Variants in STAT1 observed in about 807,000 individuals in gnomAD.
STAT1 encodes signal transducer and activator of transcription 1.
Under a neutral mutation model 111.7 loss-of-function variants are expected in STAT1, and 24 were observed. That is an observed-to-expected ratio of 0.21 (90% CI 0.16 to 0.30). STAT1 has a LOEUF of 0.30. Among genes scored for constraint, STAT1 ranks in the 10% least tolerant of loss-of-function variants. The probability of loss-of-function intolerance (pLI) is 1.00; values close to 1 mark genes in which losing one functional copy is unlikely to be tolerated. For synonymous variants in STAT1, 332 were observed against 326.5 expected (o/e 1.02, Z -0.18); for missense variants, 351 against 911.9 (o/e 0.38, Z 7.92).
rs1186172276 is a variant in STAT1 at position 190,996,902 on chromosome 2, A to G, written c.785+954T>C. Among the ~76,000 whole-genome samples, 1 of 152,118 alleles carries G rather than the reference A, an allele frequency of 6.6e-6. No individual in the cohort carries two copies. On this transcript the variant is annotated intron_variant, in intron 9 of 24. Coordinates refer to ENST00000361099, the MANE Select transcript of STAT1 (RefSeq NM_007315.4). The surrounding 1 kb of genome is among the most constrained non-coding windows in gnomAD (Gnocchi z 4.5). ...TATTCCAACTGGTCTTTCTGTCTCT[A>G]TCCTATCCTCCAGGCTGTGGCCAGA...
In STAT1 at chr2:190,981,073, C is replaced by A. The variant is rs1032899890; in HGVS notation, c.1583-404G>T. Among the ~76,000 whole-genome samples the A allele has an allele frequency of 1.3e-5, 2 of 152,022 alleles. No homozygotes were observed. Among genetic ancestry groups the A allele is most frequent in the Non-Finnish European group, 1.5e-5 (1 of 68,000 alleles). On this transcript the variant is annotated intron_variant, in intron 18 of 24. Coordinates refer to ENST00000361099, the MANE Select transcript of STAT1 (RefSeq NM_007315.4). This position sits in a 1 kb window ranked among gnomAD's most constrained non-coding sequence, Gnocchi z 4.1. ...GTCCTTTTAATGCCTCTTCATGTTA[C>A]ACTTCCTTCCAAGACCATCAGCTGA...
At chr2:191,005,846 A>C (rs1290182754) in intron 5 of STAT1, among the ~76,000 whole-genome samples, 1 of 152,238 alleles carries the variant, frequency 6.6e-6, no homozygotes, top group Non-Finnish European at 1.5e-5. Context: ...TGACATCCCC[A>C]GACACCCAGA....
In STAT1 at chr2:190,973,794, T is replaced by C. The variant is rs1387492463; in HGVS notation, c.2238+1036A>G. 1.3e-5 allele frequency among the ~76,000 whole-genome samples: 2 copies of C among 152,166 alleles called. No individual in the cohort carries two copies. The highest frequency in any genetic ancestry group is 2.1e-4 in the South Asian group (1 of 4,828). Reference sequence around the variant, plus strand: ...CAACAATCAGGAAAGTGTAGGAAGGTACAATCTCTAATGATTGTAGCCCGT... The same window carrying C: ...CAACAATCAGGAAAGTGTAGGAAGGCACAATCTCTAATGATTGTAGCCCGT... On this transcript the variant is annotated intron_variant, in intron 24 of 24. Coordinates refer to ENST00000361099, the MANE Select transcript of STAT1 (RefSeq NM_007315.4). The surrounding 1 kb of genome is among the most constrained non-coding windows in gnomAD (Gnocchi z 4.4).
chr2:191,010,036 T>A (rs1166729359), intron 2 of STAT1, 32 bp from the exon 3 acceptor site: 13 of 1,612,602 alleles, frequency 8.1e-6, no homozygotes, highest in Non-Finnish European at 8.5e-6. Context: ...ATTCTTTCTA[T>A]GTATATGGAA....
In STAT1 at chr2:190,998,177, T is replaced by C. The variant is rs768259949; in HGVS notation, c.633+40A>G. ...CTTTGAGTCCATTATTTACAGTGTA[T>C]AACAAAAGTGGCATGCTATTCTGGA... On this transcript the variant is annotated intron_variant, in intron 8 of 24. Coordinates refer to ENST00000361099, the MANE Select transcript of STAT1 (RefSeq NM_007315.4). This position sits in a 1 kb window ranked among gnomAD's most constrained non-coding sequence, Gnocchi z 4.1. 1.3e-6 allele frequency: 2 copies of C among 1,589,308 alleles called. No individual in the cohort carries two copies. The highest frequency in any genetic ancestry group is 1.7e-6 in the Non-Finnish European group (2 of 1,157,816).
chr2:190,983,765 A>C lies in STAT1; in HGVS notation c.1348-25T>G. ...TCTAAAGGATGACAAAGACCTTGAA[A>C]TCATCTGAATCACAGAAATGTCACC... On this transcript the variant is annotated intron_variant, in intron 16 of 24. Coordinates refer to ENST00000361099, the MANE Select transcript of STAT1 (RefSeq NM_007315.4). The surrounding 1 kb of genome is among the most constrained non-coding windows in gnomAD (Gnocchi z 5.7). 3 of 1,588,370 alleles carry C rather than the reference A, an allele frequency of 1.9e-6. No individual in the cohort carries two copies. Among genetic ancestry groups the C allele is most frequent in the Non-Finnish European group, 2.6e-6 (3 of 1,156,624 alleles).
rs908860219 is a variant in STAT1, at chr2:190,981,452, G to A, written c.1583-783C>T. On this transcript the variant is annotated intron_variant, in intron 18 of 24. Transcript: ENST00000361099. The surrounding 1 kb of genome is among the most constrained non-coding windows in gnomAD (Gnocchi z 4.1). ...CTACACAAATTAAAGCAGCCTGGGC[G>A]AGAAGAGGCGGTAAGCCCATTATCG... 2.6e-5 allele frequency among the ~76,000 whole-genome samples: 4 copies of A among 152,224 alleles called. No homozygotes were observed. The highest frequency in any genetic ancestry group is 1.5e-5 in the Non-Finnish European group (1 of 68,038).
rs925171638 is a variant in STAT1 at position 190,970,738 on chromosome 2, GTTAAGT to G, written c.2239-27_2239-22del. ...TTCATCTGTAAAAAGACAAAATGTG[GTTAAGT>G]TTATTACACTGATCTTGTGAAATGC... On this transcript the variant is annotated intron_variant, in intron 24 of 24. Coordinates refer to ENST00000361099, the MANE Select transcript of STAT1 (RefSeq NM_007315.4). The surrounding 1 kb of genome is among the most constrained non-coding windows in gnomAD (Gnocchi z 5.4). 2 of 1,610,936 alleles carry G rather than the reference GTTAAGT, an allele frequency of 1.2e-6. No individual in the cohort carries two copies. The highest frequency in any genetic ancestry group is 1.3e-5 in the African/African-American group (1 of 74,854).
rs768769514 is a variant in STAT1 at position 191,001,029 on chromosome 2, T to C, written c.462+45A>G. 3 of 1,480,046 alleles carry C rather than the reference T, an allele frequency of 2.0e-6. No homozygotes were observed. The East Asian group carries it at 6.8e-5, about 33-fold the overall frequency. The allele number at this position is 1,480,046 out of a possible 1,614,324, so 91.7% of individuals were successfully genotyped here. ...CAAGCAATTGAAACCTTTTTTCCCCTACAGAAAGTTTCAGAATAAATGCAT... is the reference window on the plus strand; with the variant it reads ...CAAGCAATTGAAACCTTTTTTCCCCCACAGAAAGTTTCAGAATAAATGCAT... On this transcript the variant is annotated intron_variant, in intron 6 of 24. Transcript: ENST00000361099.
At chr2:190,972,852 T>TGTGTGTGTGA (rs1553491673) in intron 24 of STAT1, among the ~76,000 whole-genome samples, 1 of 142,262 alleles carries the variant, frequency 7.0e-6, no homozygotes, top group Non-Finnish European at 1.5e-5. Context: ...TGTGTGTGTG[T>TGTGTGTGTGA]GAAATGGATT....
In STAT1 at chr2:190,969,248, G is replaced by A. The variant is rs1313406203; in HGVS notation, c.*1455C>T. On this transcript the variant is annotated 3_prime_UTR_variant, in exon 25 of 25. Coordinates refer to ENST00000361099, the MANE Select transcript of STAT1 (RefSeq NM_007315.4). The stretch of plus-strand genomic sequence containing the variant: ...GGTTCTCGCCATCTATATAAAAACT[G>A]AGAGAGGAGGCCTCAGATTGTATGC... The A allele has an allele frequency of 6.6e-6, 1 of 152,098 alleles. No homozygotes were observed. Among genetic ancestry groups the A allele is most frequent in the Non-Finnish European group, 1.5e-5 (1 of 67,982 alleles). 9.4% of individuals were successfully genotyped at this position (152,098 alleles called of 1,614,324 possible).
rs957124904 is a variant in STAT1 at position 191,007,960 on chromosome 2, A to G, written c.274-299T>C. 4.1e-6 allele frequency: 2 copies of G among 488,152 alleles called. No homozygotes were observed. Among genetic ancestry groups the G allele is most frequent in the South Asian group, 3.2e-5 (2 of 62,744 alleles). The allele number at this position is 488,152 out of a possible 1,614,324, so 30.2% of individuals were successfully genotyped here. A position where few individuals can be genotyped will look rare whatever the true frequency, so the allele number is the denominator to read the frequency against. ...TATCTTTCCATATTTCTTAAGGCCA[A>G]TTATCTTTGGTTAGGATCCCGAGAC... On this transcript the variant is annotated intron_variant, in intron 4 of 24. Transcript: ENST00000361099. This position sits in a 1 kb window ranked among gnomAD's most constrained non-coding sequence, Gnocchi z 4.2.
In STAT1 at chr2:190,974,371, A is replaced by G. The variant is rs1691734244; in HGVS notation, c.2238+459T>C. 6.6e-6 allele frequency among the ~76,000 whole-genome samples: 1 copy of G among 152,218 alleles called. No homozygotes were observed. The highest frequency in any genetic ancestry group is 2.4e-5 in the African/African-American group (1 of 41,460). ...AAATTAGCTCTCAAATATAAGGCAG[A>G]TGAAGTAATCTCATTGCTGCTAAAG... On this transcript the variant is annotated intron_variant, in intron 24 of 24. Transcript: ENST00000361099. The surrounding 1 kb of genome is among the most constrained non-coding windows in gnomAD (Gnocchi z 4.8).
Position 190,980,757 on chromosome 2 carries a change from G to C in STAT1, c.1583-88C>G. ...GGATGGCTCTTGTATTTGCTCTCAA[G>C]GAAAAGAGCCAAACACCCAACAAAG... On this transcript the variant is annotated intron_variant, in intron 18 of 24. Coordinates refer to ENST00000361099, the MANE Select transcript of STAT1 (RefSeq NM_007315.4). The surrounding 1 kb of genome is among the most constrained non-coding windows in gnomAD (Gnocchi z 6.1). The C allele has an allele frequency of 7.5e-7, 1 of 1,330,788 alleles. No individual in the cohort carries two copies. Among genetic ancestry groups the C allele is most frequent in the South Asian group, 1.2e-5 (1 of 83,384 alleles). 82.4% of individuals were successfully genotyped at this position (1,330,788 alleles called of 1,614,324 possible).
In STAT1 at chr2:190,970,916, A is replaced by C. The variant is rs1332211855; in HGVS notation, c.2239-199T>G. Reference sequence around the variant, plus strand: ...CTAATCAAGACCTTTTATATCACCTAAGCTGACGGATTATTACTCTGCTGC... The same window carrying C: ...CTAATCAAGACCTTTTATATCACCTCAGCTGACGGATTATTACTCTGCTGC... On this transcript the variant is annotated intron_variant, in intron 24 of 24. Transcript: ENST00000361099. The surrounding 1 kb of genome is among the most constrained non-coding windows in gnomAD (Gnocchi z 5.4). 6.6e-6 allele frequency among the ~76,000 whole-genome samples: 1 copy of C among 152,228 alleles called. No homozygotes were observed. The highest frequency in any genetic ancestry group is 2.4e-5 in the African/African-American group (1 of 41,450).
chr2:190,983,615 G>A lies in STAT1; in HGVS notation c.1446+27C>T, dbSNP rs2125022155. ...AGCGTGGGGTCTCTGCTTAACCCTG[G>A]GACCAAAGCAAATGTGTTTTCCATA... On this transcript the variant is annotated intron_variant, in intron 17 of 24. Transcript: ENST00000361099. The surrounding 1 kb of genome is among the most constrained non-coding windows in gnomAD (Gnocchi z 5.7). 3 of 1,602,742 alleles carry A rather than the reference G, an allele frequency of 1.9e-6. No homozygotes were observed. The highest frequency in any genetic ancestry group is 2.6e-6 in the Non-Finnish European group (3 of 1,169,740).
Position 190,984,163 on chromosome 2 carries a change from T to G in STAT1, c.1347+147A>C. The G allele has an allele frequency of 1.4e-6, 1 of 700,454 alleles. No homozygotes were observed. Among genetic ancestry groups the G allele is most frequent in the Middle Eastern group, 3.8e-4 (1 of 2,598 alleles). 43.4% of individuals were successfully genotyped at this position (700,454 alleles called of 1,614,324 possible). ...TTGTCTAGCTTTCTGGACCATAAAT[T>G]AAGGTTAAGATAGTATTAGCTGAAA... On this transcript the variant is annotated intron_variant, in intron 16 of 24. Coordinates refer to ENST00000361099, the MANE Select transcript of STAT1 (RefSeq NM_007315.4). This position sits in a 1 kb window ranked among gnomAD's most constrained non-coding sequence, Gnocchi z 5.2.
chr2:191,008,309 G>C (rs939591156), intron 4 of STAT1, among the ~76,000 whole-genome samples: 1 of 152,166 alleles, frequency 6.6e-6, no homozygotes, highest in African/African-American at 2.4e-5. Flanking sequence ...GAAAATGATA[G>C]CTTTCACCTC....
At position 190,969,521 on chromosome 2, in the gene STAT1, A is replaced by C. The variant is rs1691294945; in HGVS notation, c.*1182T>G. 1 of 152,194 alleles carries C rather than the reference A, an allele frequency of 6.6e-6. No individual in the cohort carries two copies. The highest frequency in any genetic ancestry group is 1.9e-4 in the East Asian group (1 of 5,204). 9.4% of individuals were successfully genotyped at this position (152,194 alleles called of 1,614,324 possible). A position where few individuals can be genotyped will look rare whatever the true frequency, so the allele number is the denominator to read the frequency against. ...CTTTTTGTGTCAGTGATAAGGAAGG[A>C]AAAAGGTAAAAATACAGTATACTTC... is the stretch of plus-strand genomic sequence containing the variant. On this transcript the variant is annotated 3_prime_UTR_variant, in exon 25 of 25. Coordinates refer to ENST00000361099, the MANE Select transcript of STAT1 (RefSeq NM_007315.4).
Sources: allele counts gnomAD v4.1 joint callset (sites outside exome capture counted in the v4.1 genomes callset), GRCh38; gene constraint gnomAD v4.1.1; non-coding constraint Gnocchi (gnomAD v3.1); transcripts MANE v1.5; gene names NCBI Gene and HGNC (gene_info 2026-07-23, HGNC 2026-07-21).